The following ATP10D variants were observed in gnomAD, a reference collection of about 807,000 sequenced individuals.
ATP10D encodes the protein ATPase phospholipid transporting 10D (putative), also known as phospholipid-transporting ATPase VD.
Under a neutral mutation model 144.8 loss-of-function variants are expected in ATP10D, and 89 were observed. That is an observed-to-expected ratio of 0.61 (90% confidence interval 0.52 to 0.73). The LOEUF (loss-of-function observed/expected upper bound fraction) is 0.73, where lower values mean the gene tolerates loss of function less well. ATP10D is among the 30% of genes least tolerant of loss of function. The probability of loss-of-function intolerance (pLI) is 0.00; values close to 1 mark genes in which losing one functional copy is unlikely to be tolerated. For missense variants in ATP10D, 1,603 were observed against 1,714.8 expected, an observed-to-expected ratio of 0.93 and a Z score of 1.15; for synonymous variants, 571 against 615.1, an observed-to-expected ratio of 0.93 and a Z score of 1.06.
At chr4:47,540,250 G>A (rs1045271386) in intron 9 of ATP10D, among the ~76,000 whole-genome samples, 3 of 152,158 alleles carry the variant, frequency 2.0e-5, no homozygotes, top group Admixed American at 2.0e-4. Flanking sequence ...TGTTGCCTAG[G>A]AGACAATTTG....
In ATP10D at chr4:47,560,829, G is replaced by T. The variant is rs924901696; in HGVS notation, c.2542-120G>T. 14 of 1,259,750 alleles carry T rather than the reference G, an allele frequency of 1.1e-5. No homozygotes were observed. The South Asian group carries it at 1.9e-4, about 17-fold the overall frequency. The allele number at this position is 1,259,750 out of a possible 1,614,324, so 78.0% of individuals were successfully genotyped here. A position where few individuals can be genotyped will look rare whatever the true frequency, so the allele number is the denominator to read the frequency against. ...GAGGATATGGATCTGACATGGCTGT[G>T]CCCAGAGGGAGGAATATGTAAAACA... is the stretch of plus-strand genomic sequence containing the variant. On this transcript the variant is annotated intron_variant, in intron 13 of 22. Transcript: ENST00000273859.
intron 3 of ATP10D, among the ~76,000 whole-genome samples, chr4:47,520,217 A>T (rs887913403): frequency 5.3e-5 from 8 of 152,226 alleles, no homozygotes; most frequent in Non-Finnish European, 1.2e-4. Flanking sequence ...TAGAAAGTAG[A>T]GAGCAGTAAG....
In ATP10D at chr4:47,593,123, G is replaced by A. The variant is rs1721115663; in HGVS notation, c.*1742G>A. ...GATATGTTCACTTGTAAATAAAAAG[G>A]TTAGAATCTAAGGACAAAGAATGAT... On this transcript the variant is annotated 3_prime_UTR_variant, in exon 23 of 23. Transcript: ENST00000273859. The A allele has an allele frequency of 6.6e-6, 1 of 152,024 alleles. No homozygotes were observed. Among genetic ancestry groups the A allele is most frequent in the African/African-American group, 2.4e-5 (1 of 41,422 alleles). 9.4% of individuals were successfully genotyped at this position (152,024 alleles called of 1,614,324 possible). A position where few individuals can be genotyped will look rare whatever the true frequency, so the allele number is the denominator to read the frequency against.
chr4:47,502,401 C>T (rs1416662908), intron 1 of ATP10D, among the ~76,000 whole-genome samples: 1 of 151,500 alleles, frequency 6.6e-6, no homozygotes, highest in Non-Finnish European at 1.5e-5. Context: ...ACCCAGGAGG[C>T]AGAGCTTGCA....
intron 1 of ATP10D, among the ~76,000 whole-genome samples, chr4:47,507,295 C>A (rs1716067976): frequency 6.6e-6 from 1 of 152,128 alleles, no homozygotes; most frequent in African/African-American, 2.4e-5. Context: ...TCATTGAATC[C>A]TCATAGCAAC....
At chr4:47,528,617 A>G (rs1318395582) in intron 5 of ATP10D, among the ~76,000 whole-genome samples, 3 of 152,114 alleles carry the variant, frequency 2.0e-5, no homozygotes, top group South Asian at 2.1e-4. Context: ...TAAGAAACAC[A>G]TAAGTGTGGG....
At chr4:47,529,780 A>G (rs1393359903) in intron 5 of ATP10D, among the ~76,000 whole-genome samples, 1 of 152,108 alleles carries the variant, frequency 6.6e-6, no homozygotes, top group Non-Finnish European at 1.5e-5. Flanking sequence ...TGAGCATGGG[A>G]TCTTTTTTCA....
intron 21 of ATP10D, among the ~76,000 whole-genome samples, chr4:47,582,532 A>C (rs1202245284): frequency 1.3e-5 from 2 of 152,176 alleles, no homozygotes; most frequent in African/African-American, 4.8e-5. Context: ...GAAAGCCCTA[A>C]GATGGTGCAG....
intron 1 of ATP10D, among the ~76,000 whole-genome samples, chr4:47,498,298 G>A (rs1475080107): frequency 6.6e-6 from 1 of 152,146 alleles, no homozygotes; most frequent in African/African-American, 2.4e-5. Context: ...ATAATTATTT[G>A]TTGTGAAGGA....
chr4:47,516,332 G>A (rs1577634863), intron 3 of ATP10D, among the ~76,000 whole-genome samples: 1 of 152,078 alleles, frequency 6.6e-6, no homozygotes, highest in East Asian at 1.9e-4. Flanking sequence ...AGCATTCATA[G>A]GAGGAGGTCT....
Position 47,523,148 on chromosome 4 carries a change from G to A in ATP10D, c.622G>A (p.Glu208Lys). ...STDPDGICHI[E>K]TSGLDGESNL... ...TGATCCAGATGGAATCTGTCACATT[G>A]AGACTTCTGGTCTTGATGGAGAGAG... The change falls in exon 4 of 23, where the codon GAG (glutamate) becomes AAG (lysine). Residue 208 changes from glutamate to lysine, a missense_variant. Glu to Lys is a moderately conservative substitution (Grantham distance 56). Transcript: ENST00000273859. The A allele has an allele frequency of 6.2e-7, 1 of 1,614,068 alleles. No individual in the cohort carries two copies. Among genetic ancestry groups the A allele is most frequent in the Non-Finnish European group, 8.5e-7 (1 of 1,180,000 alleles).
chr4:47,589,241 G>A (rs998862531), intron 22 of ATP10D, among the ~76,000 whole-genome samples: 1 of 152,096 alleles, frequency 6.6e-6, no homozygotes, highest in Admixed American at 6.5e-5. Context: ...GCCCAGTGAA[G>A]CTAATTTCAT....
chr4:47,504,992 A>T (rs1715944585), intron 1 of ATP10D, among the ~76,000 whole-genome samples: 2 of 152,232 alleles, frequency 1.3e-5, no homozygotes, highest in Non-Finnish European at 2.9e-5. Context: ...TTATAAGTCT[A>T]TCAAGGCCAG....
At chr4:47,512,210 C>G (rs1471768645) in intron 1 of ATP10D, among the ~76,000 whole-genome samples, 1 of 152,178 alleles carries the variant, frequency 6.6e-6, no homozygotes, top group Non-Finnish European at 1.5e-5. Flanking sequence ...AACTGATGAT[C>G]AGAGAAGTTA....
chr4:47,587,017 A>G lies in ATP10D; in HGVS notation c.3754-2A>G, dbSNP rs770763082. The stretch of plus-strand genomic sequence containing the variant: ...ATTTCCTCTGCTCTTCTTGTCTTAC[A>G]GACTTGGATTCACTTGCTGGTCATC... On this transcript the variant is annotated splice_acceptor_variant, in intron 21 of 22. Transcript: ENST00000273859. LOFTEE classifies it high-confidence loss of function. 1.9e-6 allele frequency: 3 copies of G among 1,613,420 alleles called. No homozygotes were observed. Among genetic ancestry groups the G allele is most frequent in the Non-Finnish European group, 2.5e-6 (3 of 1,179,562 alleles).
At chr4:47,496,355 C>T (rs544277313) in intron 1 of ATP10D, among the ~76,000 whole-genome samples, 105 of 151,848 alleles carry the variant, frequency 6.9e-4, no homozygotes, top group African/African-American at 2.4e-3. Context: ...TGGTGTTTCT[C>T]CATGTTGGTC....
chr4:47,574,794 TTTC>T (rs1480025111), intron 18 of ATP10D, among the ~76,000 whole-genome samples: 1 of 152,028 alleles, frequency 6.6e-6, no homozygotes, highest in East Asian at 1.9e-4. Context: ...TCATGACTAC[TTTC>T]TTGTTTGTGT....
In ATP10D at chr4:47,592,549, T is replaced by C. The variant is rs61758578; in HGVS notation, c.*1168T>C. On this transcript the variant is annotated 3_prime_UTR_variant, in exon 23 of 23. Transcript: ENST00000273859. ...GGCCAGGTGCTACTATAAAATCATA[T>C]ATTCCTGTTGAAGTTCTTTTGAAGT... 6.6e-6 allele frequency: 1 copy of C among 152,574 alleles called. No individual in the cohort carries two copies. 9.5% of individuals were successfully genotyped at this position (152,574 alleles called of 1,614,324 possible). A position where few individuals can be genotyped will look rare whatever the true frequency, so the allele number is the denominator to read the frequency against.
chr4:47,581,889 G>A, intron 20 of ATP10D, 71 bp from the exon 21 acceptor site: 1 of 1,214,602 alleles, frequency 8.2e-7, no homozygotes, highest in Non-Finnish European at 1.2e-6. Context: ...TGGTTGAGCT[G>A]TAGATAAAGT....
Sources: allele counts gnomAD v4.1 joint callset (sites outside exome capture counted in the v4.1 genomes callset), GRCh38; gene constraint gnomAD v4.1.1; transcripts MANE v1.5; gene names NCBI Gene and HGNC (gene_info 2026-07-23, HGNC 2026-07-21).